The following MAPKAP1 variants were observed in gnomAD, a reference collection of about 807,000 sequenced individuals.
MAPKAP1 encodes target of rapamycin complex 2 subunit MAPKAP1.
Under a neutral mutation model 65.7 loss-of-function variants are expected in MAPKAP1, and 20 were observed. That is an observed-to-expected ratio of 0.30 (90% confidence interval 0.21 to 0.44). MAPKAP1 has a LOEUF of 0.44. Ranked by LOEUF, MAPKAP1 falls within the 20% of genes least tolerant of loss-of-function variation. MAPKAP1 has a pLI of 1.00. For missense variants in MAPKAP1, 423 were observed against 648.0 expected (o/e 0.65, Z 3.77); for synonymous variants, 222 against 244.3 (o/e 0.91, Z 0.85).
chr9:125,449,530 CTG>C (rs1348146964), intron 10 of MAPKAP1, among the ~76,000 whole-genome samples: 2 of 152,178 alleles, frequency 1.3e-5, no homozygotes, highest in Non-Finnish European at 2.9e-5. Context: ...GATACTGAAA[CTG>C]TACCTCCACT....
At chr9:125,543,567 C>T (rs950709258) in intron 6 of MAPKAP1, among the ~76,000 whole-genome samples, 1 of 152,066 alleles carries the variant, frequency 6.6e-6, no homozygotes, top group Non-Finnish European at 1.5e-5. Context: ...TGAGCCACCG[C>T]GCCCGGCCGT....
intron 5 of MAPKAP1, among the ~76,000 whole-genome samples, chr9:125,566,681 G>A (rs539640133): frequency 1.3e-5 from 2 of 152,298 alleles, no homozygotes; most frequent in South Asian, 4.2e-4. Flanking sequence ...CACTCACACT[G>A]AGAAACCTAT....
chr9:125,521,536 T>C, intron 7 of MAPKAP1: 2 of 1,354,942 alleles, frequency 1.5e-6, no homozygotes, highest in Non-Finnish European at 1.9e-6. Flanking sequence ...AGTGGGGTAA[T>C]GCATTCAAAT....
intron 5 of MAPKAP1, among the ~76,000 whole-genome samples, chr9:125,566,076 ACC>A (rs1831043751): frequency 6.6e-6 from 1 of 152,216 alleles, no homozygotes; most frequent in African/African-American, 2.4e-5. Context: ...TTTAGCACAC[ACC>A]TGAAGAAGGG....
intron 8 of MAPKAP1, among the ~76,000 whole-genome samples, chr9:125,492,141 C>T (rs1474880846): frequency 6.6e-6 from 1 of 151,942 alleles, no homozygotes; most frequent in Non-Finnish European, 1.5e-5. Context: ...GAGTTTGAGG[C>T]TACAGTGAGC....
At chr9:125,623,704 T>TGGGC (rs1241770259) in intron 4 of MAPKAP1, among the ~76,000 whole-genome samples, 225 of 6,266 alleles carry the variant, frequency 0.036, 21 homozygotes, top group South Asian at 0.33. Flanking sequence ...GGGAGGGAGG[T>TGGGC]GGGGGGGGGG....
At chr9:125,593,169 T>G (rs1589321103) in intron 4 of MAPKAP1, among the ~76,000 whole-genome samples, 2 of 151,818 alleles carry the variant, frequency 1.3e-5, no homozygotes, top group African/African-American at 4.8e-5. Context: ...CTAGGCATGG[T>G]GGCATGTGCC....
At chr9:125,619,252 C>T (rs1243553958) in intron 4 of MAPKAP1, among the ~76,000 whole-genome samples, 4 of 152,078 alleles carry the variant, frequency 2.6e-5, no homozygotes, top group South Asian at 4.1e-4. Flanking sequence ...TCCCCTAATG[C>T]CAACTTTTAG....
intron 8 of MAPKAP1, among the ~76,000 whole-genome samples, chr9:125,490,996 A>G (rs989246720): frequency 2.6e-5 from 4 of 151,876 alleles, no homozygotes; most frequent in African/African-American, 9.7e-5. Context: ...AAATTAGCTG[A>G]GGATGGCGGG....
intron 10 of MAPKAP1, among the ~76,000 whole-genome samples, chr9:125,449,305 A>G (rs1041670658): frequency 4.6e-5 from 7 of 152,166 alleles, no homozygotes; most frequent in African/African-American, 1.7e-4. Flanking sequence ...GTGATCTCTT[A>G]TATGTCACAT....
intron 1 of MAPKAP1, among the ~76,000 whole-genome samples, chr9:125,700,671 C>G (rs180670748): frequency 3.2e-4 from 49 of 152,282 alleles, no homozygotes; most frequent in Admixed American, 2.0e-4. Flanking sequence ...TAGACTGCTG[C>G]CAACTAGAGT....
rs548401628 is a variant in MAPKAP1 at position 125,653,666 on chromosome 9, T to G, written c.498+3985A>C. On this transcript the variant is annotated intron_variant, in intron 4 of 11. Coordinates refer to ENST00000265960, the MANE Select transcript of MAPKAP1 (RefSeq NM_001006617.3). ...GAACCCCAAGCTTCATGAGGTTAAG[T>G]AGCTAGACTGAAGTCACACCGTAAG... 3.3e-5 allele frequency among the ~76,000 whole-genome samples: 5 copies of G among 152,312 alleles called. No individual in the cohort carries two copies. The South Asian group carries it at 8.3e-4, about 25-fold the overall frequency.
At chr9:125,546,738 T>C (rs538184638) in intron 6 of MAPKAP1, among the ~76,000 whole-genome samples, 1 of 151,886 alleles carries the variant, frequency 6.6e-6, no homozygotes, top group South Asian at 2.1e-4. Flanking sequence ...AAAGGAAGGG[T>C]GCTCCTGGTC....
intron 1 of MAPKAP1, among the ~76,000 whole-genome samples, chr9:125,687,046 G>A (rs1172436789): frequency 6.6e-6 from 1 of 151,158 alleles, no homozygotes; most frequent in Non-Finnish European, 1.5e-5. Flanking sequence ...GGCTGGTCTC[G>A]AACTCCTGAC....
At chr9:125,564,754 G>A (rs1317090277) in intron 5 of MAPKAP1, among the ~76,000 whole-genome samples, 1 of 152,146 alleles carries the variant, frequency 6.6e-6, no homozygotes, top group Non-Finnish European at 1.5e-5. Flanking sequence ...TTCTTGCACC[G>A]CTCTTAAGCT....
At chr9:125,517,393 T>C (rs952838026) in intron 7 of MAPKAP1, among the ~76,000 whole-genome samples, 6 of 151,672 alleles carry the variant, frequency 4.0e-5, no homozygotes, top group Non-Finnish European at 8.8e-5. Flanking sequence ...AGGGTTGGGG[T>C]GGGGGTTCTT....
chr9:125,529,591 G>A (rs1829877738), intron 7 of MAPKAP1, among the ~76,000 whole-genome samples: 1 of 152,148 alleles, frequency 6.6e-6, no homozygotes, highest in African/African-American at 2.4e-5. Flanking sequence ...GTGATTATGT[G>A]GTGACAGTTT....
chr9:125,625,275 A>AC (rs1833082710), intron 4 of MAPKAP1, among the ~76,000 whole-genome samples: 8 of 147,780 alleles, frequency 5.4e-5, no homozygotes, highest in Non-Finnish European at 1.2e-4. Flanking sequence ...AAAAAAAAAA[A>AC]AAAAACAAGG....
chr9:125,511,164 CCATCATCATCATCATCAT>C (rs3051230), intron 7 of MAPKAP1, among the ~76,000 whole-genome samples: 2 of 146,968 alleles, frequency 1.4e-5, no homozygotes, highest in African/African-American at 2.5e-5. Context: ...ATCATCATCA[CCATCATCATCATCATCAT>C]CATCATCATC....
Sources: allele counts gnomAD v4.1 joint callset (sites outside exome capture counted in the v4.1 genomes callset), GRCh38; gene constraint gnomAD v4.1.1; transcripts MANE v1.5; gene names NCBI Gene and HGNC (gene_info 2026-07-23, HGNC 2026-07-21).